Variants in AGBL4 observed in about 807,000 individuals in gnomAD.
AGBL4 encodes the protein cytosolic carboxypeptidase 6.
Under a neutral mutation model 66.4 loss-of-function variants are expected in AGBL4, and 58 were observed. That is an observed-to-expected ratio of 0.87 (90% CI 0.71 to 1.09). The LOEUF (loss-of-function observed/expected upper bound fraction) is 1.09. Among genes scored for constraint, AGBL4 ranks in the 50% least tolerant of loss-of-function variants. AGBL4 has a pLI of 0.00. For synonymous variants in AGBL4, 234 were observed against 222.9 expected (o/e 1.05, Z -0.44); for missense variants, 579 against 631.0 (o/e 0.92, Z 0.88).
intron 3 of AGBL4, among the ~76,000 whole-genome samples, chr1:49,616,811 A>G (rs1213111601): frequency 6.6e-6 from 1 of 152,146 alleles, no homozygotes; most frequent in African/African-American, 2.4e-5. Context: ...GACTCATTTC[A>G]TTATCTCACA....
At chr1:49,515,155 A>C (rs1649669097) in intron 3 of AGBL4, among the ~76,000 whole-genome samples, 1 of 152,184 alleles carries the variant, frequency 6.6e-6, no homozygotes, top group Non-Finnish European at 1.5e-5. Flanking sequence ...AAGGGCTAAT[A>C]TCCAGAATCT....
intron 3 of AGBL4, among the ~76,000 whole-genome samples, chr1:49,679,057 G>A (rs576563727): frequency 6.6e-6 from 1 of 152,248 alleles, no homozygotes; most frequent in South Asian, 2.1e-4. Context: ...ATTGATGCCT[G>A]TGGGTTGATG....
intron 2 of AGBL4, among the ~76,000 whole-genome samples, chr1:49,830,747 C>G (rs1645649162): frequency 6.6e-6 from 1 of 152,146 alleles, no homozygotes; most frequent in Non-Finnish European, 1.5e-5. Flanking sequence ...TTAGGTCTTA[C>G]ATTTAAGTCT....
intron 3 of AGBL4, among the ~76,000 whole-genome samples, chr1:49,327,158 T>C (rs1193881104): frequency 6.6e-6 from 1 of 152,206 alleles, no homozygotes; most frequent in African/African-American, 2.4e-5. Flanking sequence ...AGCATAATCG[T>C]CTCATCTCAG....
chr1:48,795,280 T>A (rs1268990375), intron 6 of AGBL4, among the ~76,000 whole-genome samples: 1 of 152,180 alleles, frequency 6.6e-6, no homozygotes, highest in African/African-American at 2.4e-5. Flanking sequence ...ATTTTAATCC[T>A]ATACAATCTC....
chr1:49,845,319 G>C lies in AGBL4; in HGVS notation c.157+6077C>G. 5 of 1,523,030 alleles carry C rather than the reference G, an allele frequency of 3.3e-6. No individual in the cohort carries two copies. In the South Asian group the frequency reaches 5.6e-5, roughly 17 times the overall value. The allele number at this position is 1,523,030 out of a possible 1,614,324, so 94.3% of individuals were successfully genotyped here. ...AGCACCAGAGAACTCACACAGGCGAGAAACCCTATGAGTGCAGTGTATGTG... is the reference window on the plus strand; with the variant it reads ...AGCACCAGAGAACTCACACAGGCGACAAACCCTATGAGTGCAGTGTATGTG... On this transcript the variant is annotated intron_variant, in intron 2 of 13. Transcript: ENST00000371839.
At chr1:49,166,296 T>G (rs1646632134) in intron 4 of AGBL4, among the ~76,000 whole-genome samples, 1 of 152,122 alleles carries the variant, frequency 6.6e-6, no homozygotes, top group South Asian at 2.1e-4. Context: ...ATTGTTTAAT[T>G]AAACAAATGG....
At chr1:49,437,286 T>C (rs968620826) in intron 3 of AGBL4, among the ~76,000 whole-genome samples, 2 of 152,236 alleles carry the variant, frequency 1.3e-5, no homozygotes, top group African/African-American at 4.8e-5. Flanking sequence ...GGTATTATTC[T>C]CATTTTAAAT....
intron 9 of AGBL4, among the ~76,000 whole-genome samples, chr1:48,613,060 G>T (rs1645263838): frequency 1.3e-5 from 2 of 152,116 alleles, no homozygotes; most frequent in African/African-American, 4.8e-5. Flanking sequence ...CTTGAACTAA[G>T]GAGGCGGAGG....
intron 7 of AGBL4, among the ~76,000 whole-genome samples, chr1:48,656,682 A>G (rs991969835): frequency 5.3e-5 from 8 of 152,204 alleles, no homozygotes; most frequent in Admixed American, 4.6e-4. Flanking sequence ...AGCAACATGG[A>G]TGCAGCTGGA....
intron 3 of AGBL4, among the ~76,000 whole-genome samples, chr1:49,601,326 C>A (rs186766662): frequency 6.6e-6 from 1 of 151,974 alleles, no homozygotes; most frequent in East Asian, 1.9e-4. Context: ...TTGTTCATTT[C>A]TTTTCATTCT....
chr1:48,937,552 C>T (rs1309576835), intron 5 of AGBL4, among the ~76,000 whole-genome samples: 1 of 152,156 alleles, frequency 6.6e-6, no homozygotes. Context: ...CTAACTGCTA[C>T]CCCAGAGCCC....
intron 2 of AGBL4, among the ~76,000 whole-genome samples, chr1:49,814,326 G>A (rs143597316): frequency 1.6e-4 from 24 of 152,164 alleles, no homozygotes; most frequent in South Asian, 2.1e-4. Flanking sequence ...CATGAGTAGC[G>A]TATTTAAGGA....
chr1:49,088,939 C>G (rs963154208), intron 4 of AGBL4, among the ~76,000 whole-genome samples: 1 of 151,716 alleles, frequency 6.6e-6, no homozygotes, highest in African/African-American at 2.4e-5. Context: ...GAAATCAATA[C>G]TAAAAAAGTT....
intron 1 of AGBL4, among the ~76,000 whole-genome samples, chr1:50,019,775 A>G (rs1314851938): frequency 6.6e-6 from 1 of 152,100 alleles, no homozygotes; most frequent in Non-Finnish European, 1.5e-5. Context: ...GATAGCTGGA[A>G]GAGAGGGAGA....
chr1:49,419,822 A>G (rs1326780708), intron 3 of AGBL4, among the ~76,000 whole-genome samples: 5 of 152,210 alleles, frequency 3.3e-5, no homozygotes, highest in Admixed American at 3.3e-4. Context: ...AATGGGTACT[A>G]TCAAGACTGA....
intron 11 of AGBL4, among the ~76,000 whole-genome samples, chr1:48,549,889 A>G (rs1285898646): frequency 6.6e-6 from 1 of 152,212 alleles, no homozygotes; most frequent in Non-Finnish European, 1.5e-5. Flanking sequence ...GCACAGCCGC[A>G]GAGGACAGAC....
rs553987254 is a variant in AGBL4 at position 49,636,789 on chromosome 1, G to A, written c.282+60524C>T. 3.3e-5 allele frequency among the ~76,000 whole-genome samples: 5 copies of A among 152,282 alleles called. No individual in the cohort carries two copies. In the East Asian group the frequency reaches 9.6e-4, roughly 29 times the overall value. On this transcript the variant is annotated intron_variant, in intron 3 of 13. Coordinates refer to ENST00000371839, the MANE Select transcript of AGBL4 (RefSeq NM_032785.4). ...CTAGTGATGTTTTATTTGATTTATT[G>A]ATCTGCATGATCCAATGAGTAAATC...
At chr1:48,889,838 A>C (rs1156716417) in intron 5 of AGBL4, among the ~76,000 whole-genome samples, 2 of 152,192 alleles carry the variant, frequency 1.3e-5, no homozygotes, top group African/African-American at 4.8e-5. Flanking sequence ...TCTCATGTCA[A>C]TTACCCAGGG....
Sources: gnomAD v4.1 joint callset for allele counts (sites outside exome capture counted in the v4.1 genomes callset) on GRCh38, gnomAD v4.1.1 for gene constraint, MANE v1.5 for transcripts, NCBI Gene and HGNC (gene_info 2026-07-23, HGNC 2026-07-21) for gene names.